The following SOS2 variants were observed in gnomAD, a reference collection of about 807,000 sequenced individuals.
SOS2 encodes son of sevenless homolog 2.
A neutral mutation model predicts 148.2 loss-of-function variants in SOS2; 65 were observed. That is an observed-to-expected ratio of 0.44 (90% confidence interval 0.36 to 0.54). SOS2 has a LOEUF of 0.54. Ranked by LOEUF, SOS2 falls within the 20% of genes least tolerant of loss-of-function variation. The pLI is 0.00. For synonymous variants in SOS2, 539 were observed against 537.1 expected (o/e 1.00, Z -0.05); for missense variants, 1,341 against 1,590.2 (o/e 0.84, Z 2.67).
rs1281779995 is a variant in SOS2 at position 50,224,314 on chromosome 14, T to TATATAC, written c.87+6882_87+6883insGTATAT. ...TCAGGAAAAAAAAAAAATATATATA[T>TATATAC]ACACACACACACACACACACACACA... On this transcript the variant is annotated intron_variant, in intron 1 of 22. Transcript: ENST00000216373. Among the ~76,000 whole-genome samples, 126 of 101,012 alleles carry TATATAC rather than the reference T, an allele frequency of 1.2e-3. 2 individuals are homozygous for TATATAC. The highest frequency in any genetic ancestry group is 5.2e-3 in the African/African-American group (121 of 23,106). 66.3% of individuals were successfully genotyped at this position (101,012 alleles called of 152,430 possible).
In SOS2 at chr14:50,130,603, T is replaced by C. The variant is rs61755576; in HGVS notation, c.3235A>G (p.Thr1079Ala). Reference protein sequence around the residue: ...SRIAETELESTVSAPTSPNTP... With the variant: ...SRIAETELESAVSAPTSPNTP... ...TTTGGAGAGGTTGGTGCTGACACTG[T>C]TGATTCCAGCTCAGTTTCAGCAATC... The change falls in exon 20 of 23, where the codon ACA becomes GCA. Residue 1079 changes from threonine to alanine, a missense_variant. Thr to Ala is a moderately conservative substitution (Grantham distance 58). Coordinates refer to ENST00000216373, the MANE Select transcript of SOS2 (RefSeq NM_006939.4). The C allele has an allele frequency of 1.0e-4, 165 of 1,614,022 alleles. No individual in the cohort carries two copies. Among genetic ancestry groups the C allele is most frequent in the Non-Finnish European group, 1.3e-4 (151 of 1,179,984 alleles).
chr14:50,122,452 G>C (rs941540001), intron 21 of SOS2, among the ~76,000 whole-genome samples: 1 of 127,406 alleles, frequency 7.8e-6, no homozygotes, highest in African/African-American at 3.1e-5. Flanking sequence ...CTGGAGTCCA[G>C]GAACCCTGGT....
chr14:50,130,864 C>T (rs1272897949), intron 19 of SOS2, 102 bp from the exon 20 acceptor site: 32 of 1,020,416 alleles, frequency 3.1e-5, no homozygotes, highest in Non-Finnish European at 4.3e-5. Context: ...CTTAAGCATA[C>T]AGTTCTTAAG....
chr14:50,137,344 A>G (rs1433097672), intron 18 of SOS2, among the ~76,000 whole-genome samples: 1 of 152,194 alleles, frequency 6.6e-6, no homozygotes, highest in African/African-American at 2.4e-5. Flanking sequence ...GTTCTTATGA[A>G]TTATATAACG....
intron 5 of SOS2, among the ~76,000 whole-genome samples, chr14:50,185,503 C>A (rs1885878511): frequency 6.6e-6 from 1 of 151,954 alleles, no homozygotes; most frequent in South Asian, 2.1e-4. Flanking sequence ...ACCAGCCTGG[C>A]CAACATGGCG....
At position 50,118,644 on chromosome 14, in the gene SOS2, A is replaced by G. The variant is rs1355804985; in HGVS notation, c.3699T>C (p.Asn1233=). Residue 1233 remains asparagine, a synonymous_variant, in exon 23 of 23, where the codon AAT becomes AAC. Coordinates refer to ENST00000216373, the MANE Select transcript of SOS2 (RefSeq NM_006939.4). ...PPEHFINCPF[N]LQPPPLGHLH... is the part of the protein sequence containing the mutation. ...GATGCCCCAGTGGAGGTGGCTGAAG[A>G]TTAAATGGACAGTTTATAAAGTGTT... 2 of 1,614,056 alleles carry G rather than the reference A, an allele frequency of 1.2e-6. No individual in the cohort carries two copies. The highest frequency in any genetic ancestry group is 1.7e-6 in the Non-Finnish European group (2 of 1,180,024).
intron 16 of SOS2, among the ~76,000 whole-genome samples, 155 bp downstream of exon 16, chr14:50,145,010 CTAATA>C (rs1884422741): frequency 1.3e-5 from 2 of 151,754 alleles, no homozygotes; most frequent in South Asian, 2.1e-4. Context: ...CATATATTAA[CTAATA>C]TATCAACATA....
intron 1 of SOS2, among the ~76,000 whole-genome samples, chr14:50,224,430 G>C (rs1032370815): frequency 6.6e-6 from 1 of 150,488 alleles, no homozygotes; most frequent in African/African-American, 2.5e-5. Flanking sequence ...GAGGAATCAA[G>C]GGAAGGGAAA....
intron 13 of SOS2, 92 bp downstream of exon 13, chr14:50,152,978 A>AG: frequency 3.2e-6 from 2 of 625,978 alleles, no homozygotes; most frequent in Non-Finnish European, 5.6e-6. Context: ...AAAAAAAAAG[A>AG]GAGAGAAATG....
chr14:50,197,460 C>G (rs1331833218), intron 4 of SOS2, among the ~76,000 whole-genome samples: 1 of 152,102 alleles, frequency 6.6e-6, no homozygotes, highest in South Asian at 2.1e-4. Flanking sequence ...CTATGATATT[C>G]CTGCTAAAGA....
chr14:50,224,220 G>A (rs1391943881), intron 1 of SOS2, among the ~76,000 whole-genome samples: 3 of 151,120 alleles, frequency 2.0e-5, no homozygotes, highest in East Asian at 3.9e-4. Context: ...GAGCCTGGGA[G>A]GCAGAGGTTG....
Position 50,204,277 on chromosome 14 carries a change from T to C in SOS2, c.213+7A>G, listed in dbSNP as rs1886593848. On this transcript the variant is annotated splice_region_variant and intron_variant, in intron 2 of 22. Coordinates refer to ENST00000216373, the MANE Select transcript of SOS2 (RefSeq NM_006939.4). ...GTGACTTTTTGAAATGACAAAATAA[T>C]TTTTACCTCTACATCTTGAACAGTC... 3 of 1,553,954 alleles carry C rather than the reference T, an allele frequency of 1.9e-6. No individual in the cohort carries two copies. In the African/African-American group the frequency reaches 4.2e-5, roughly 22 times the overall value.
intron 4 of SOS2, 117 bp from the exon 5 acceptor site, chr14:50,188,817 C>T (rs1886010769): frequency 1.4e-6 from 1 of 691,304 alleles, no homozygotes; most frequent in Non-Finnish European, 2.3e-6. Flanking sequence ...AATCCCAGCA[C>T]TTTGGGAGGC....
chr14:50,165,829 A>G (rs1038656049), intron 8 of SOS2, among the ~76,000 whole-genome samples: 2 of 152,174 alleles, frequency 1.3e-5, no homozygotes, highest in African/African-American at 4.8e-5. Context: ...TTTAATTTTT[A>G]TTACAACTCT....
chr14:50,180,766 C>A, intron 6 of SOS2, 84 bp from the exon 7 acceptor site: 2 of 757,546 alleles, frequency 2.6e-6, no homozygotes, highest in South Asian at 1.8e-5. Context: ...TCACTTGATC[C>A]CAGGAGTTCG....
At chr14:50,203,239 A>G (rs1886551949) in intron 2 of SOS2, among the ~76,000 whole-genome samples, 1 of 151,530 alleles carries the variant, frequency 6.6e-6, no homozygotes, top group African/African-American at 2.4e-5. Context: ...CCTGGGGTGC[A>G]CGCCTGTAGT....
intron 1 of SOS2, among the ~76,000 whole-genome samples, chr14:50,205,051 T>C (rs1223966193): frequency 6.6e-6 from 1 of 152,066 alleles, no homozygotes; most frequent in Admixed American, 6.6e-5. Context: ...CTATAAATAT[T>C]TGTTGAAAGA....
At chr14:50,174,405 A>C in intron 8 of SOS2, 49 bp downstream of exon 8, 1 of 970,036 alleles carries the variant, frequency 1.0e-6, no homozygotes, top group Non-Finnish European at 1.5e-6. Context: ...TTTAAAAAGT[A>C]AACTCTTCTA....
At chr14:50,169,263 C>A (rs185900701) in intron 8 of SOS2, among the ~76,000 whole-genome samples, 1 of 152,076 alleles carries the variant, frequency 6.6e-6, no homozygotes, top group South Asian at 2.1e-4. Flanking sequence ...TTGCAGTAAG[C>A]CGAGCCTGCA....
Sources: gnomAD v4.1 joint callset for allele counts (sites outside exome capture counted in the v4.1 genomes callset) on GRCh38, gnomAD v4.1.1 for gene constraint, MANE v1.5 for transcripts, NCBI Gene and HGNC (gene_info 2026-07-23, HGNC 2026-07-21) for gene names.